NPHP4: variants seen among roughly 807,000 people sequenced by gnomAD.
NPHP4 encodes nephrocystin 4.
A neutral mutation model predicts 155.8 loss-of-function variants in NPHP4; 151 were observed. The observed-to-expected ratio is 0.97, with a 90% CI of 0.85 to 1.11. The LOEUF (loss-of-function observed/expected upper bound fraction) is 1.11, where lower values mean the gene tolerates loss of function less well. Ranked by LOEUF, NPHP4 falls within the 50% of genes least tolerant of loss-of-function variation. The pLI, the probability that NPHP4 is intolerant of heterozygous loss-of-function variation, is 0.00. For missense variants in NPHP4, 1,956 were observed against 1,925.7 expected (o/e 1.02, Z -0.29); for synonymous variants, 845 against 816.8 (o/e 1.03, Z -0.59).
intron 23 of NPHP4, among the ~76,000 whole-genome samples, chr1:5,870,315 T>A (rs1177451615): frequency 6.6e-6 from 1 of 152,088 alleles, no homozygotes; most frequent in Admixed American, 6.5e-5. Flanking sequence ...AGCAACAAAA[T>A]AAATAATGAT....
At chr1:5,953,311 G>A (rs113924109) in intron 6 of NPHP4, among the ~76,000 whole-genome samples, 3,177 of 152,160 alleles carry the variant, frequency 0.021, 93 homozygotes, top group African/African-American at 0.07. Flanking sequence ...TCACCATATT[G>A]GCCGGGCTGG....
At chr1:5,954,073 A>G (rs570046658) in intron 6 of NPHP4, among the ~76,000 whole-genome samples, 6 of 152,372 alleles carry the variant, frequency 3.9e-5, no homozygotes, top group African/African-American at 1.2e-4. Flanking sequence ...GCCTTTGAGT[A>G]TGTCAAAAGC....
In NPHP4 at chr1:5,877,103, G is replaced by A. The variant is rs201074950; in HGVS notation, c.2807C>T (p.Thr936Met). The change falls in exon 20 of 30, where the codon ACG (threonine) becomes ATG (methionine). Residue 936 changes from threonine to methionine, a missense_variant. Physicochemically the swap from Thr to Met is moderately conservative, Grantham distance 81 (BLOSUM62 -1). Coordinates refer to ENST00000378156, the MANE Select transcript of NPHP4 (RefSeq NM_015102.5). ...EAGGDLGRRGTSVLAQQSVRT... is the reference protein window; with the variant it reads ...EAGGDLGRRGMSVLAQQSVRT... ...TGAACAAACCCTTACCAACACGCTC[G>A]TCCCGCGCCGGCCCAAGTCTCCCCC... 7.6e-5 allele frequency: 120 copies of A among 1,570,722 alleles called. 1 individual carries two copies. In the Admixed American group the frequency reaches 1.7e-3, roughly 22 times the overall value.
At chr1:5,973,669 G>T (rs1461081119) in intron 3 of NPHP4, among the ~76,000 whole-genome samples, 1 of 152,216 alleles carries the variant, frequency 6.6e-6, no homozygotes, top group Non-Finnish European at 1.5e-5. Flanking sequence ...ATTGTCCCCA[G>T]ATGACTGACA....
intron 10 of NPHP4, among the ~76,000 whole-genome samples, chr1:5,930,814 G>C (rs550231804): frequency 1.3e-5 from 2 of 152,354 alleles, no homozygotes; most frequent in South Asian, 2.1e-4. Context: ...CAGTCCTTCT[G>C]TATCATTGCT....
chr1:5,880,065 C>A lies in NPHP4; in HGVS notation c.2611+49G>T, dbSNP rs562024301. The A allele has an allele frequency of 6.2e-6, 10 of 1,608,118 alleles. No individual in the cohort carries two copies. In the South Asian group the frequency reaches 1.1e-4, roughly 18 times the overall value. On this transcript the variant is annotated intron_variant, in intron 19 of 29. Coordinates refer to ENST00000378156, the MANE Select transcript of NPHP4 (RefSeq NM_015102.5). The stretch of plus-strand genomic sequence containing the variant: ...CACACACGCAGTCTTCCACCTCTCA[C>A]CCACCACTCACGACCCACCCACACA...
At chr1:5,936,387 G>C (rs1646540096) in intron 9 of NPHP4, among the ~76,000 whole-genome samples, 1 of 152,306 alleles carries the variant, frequency 6.6e-6, no homozygotes, top group Middle Eastern at 3.4e-3. Flanking sequence ...CTGCAGAGAA[G>C]GCCAAGCACA....
intron 27 of NPHP4, 99 bp from the exon 28 acceptor site, chr1:5,864,616 G>T: frequency 8.5e-7 from 1 of 1,177,326 alleles, no homozygotes; most frequent in Non-Finnish European, 1.2e-6. Context: ...GGGAGCCCAA[G>T]GTCATGGGTG....
At chr1:5,880,838 C>A (rs993508565) in intron 18 of NPHP4, 1 of 154,216 alleles carries the variant, frequency 6.5e-6, no homozygotes, top group African/African-American at 2.4e-5. Flanking sequence ...TGCTTGCCCA[C>A]GGCACACTCT....
chr1:5,880,308 CCA>C, intron 18 of NPHP4, 69 bp from the exon 19 acceptor site: 1 of 1,544,566 alleles, frequency 6.5e-7, no homozygotes, highest in Non-Finnish European at 8.9e-7. Flanking sequence ...GATCAACCCA[CCA>C]CATAAGCGGC....
intron 10 of NPHP4, among the ~76,000 whole-genome samples, 190 bp downstream of exon 10, chr1:5,932,957 C>G (rs1646352410): frequency 6.6e-6 from 1 of 152,124 alleles, no homozygotes; most frequent in East Asian, 1.9e-4. Context: ...GCAATAAAAC[C>G]CATGATAAAA....
chr1:5,878,233 A>G (rs1642825791), intron 19 of NPHP4, among the ~76,000 whole-genome samples: 2 of 152,210 alleles, frequency 1.3e-5, no homozygotes, highest in African/African-American at 2.4e-5. Context: ...AGAAGCCTCC[A>G]CACAGTGGAC....
intron 23 of NPHP4, among the ~76,000 whole-genome samples, chr1:5,871,538 T>C (rs551583786): frequency 6.6e-6 from 1 of 152,314 alleles, no homozygotes; most frequent in East Asian, 1.9e-4. Context: ...TCCTTGTTTG[T>C]AGAAAGATCA....
rs200471881 is a variant in NPHP4, at chr1:5,905,057, C to T, written c.1955+235G>A. Among the ~76,000 whole-genome samples, 3 of 152,280 alleles carry T rather than the reference C, an allele frequency of 2.0e-5. No individual in the cohort carries two copies. The East Asian group carries it at 5.8e-4, about 29-fold the overall frequency. On this transcript the variant is annotated intron_variant, in intron 15 of 29. Coordinates refer to ENST00000378156, the MANE Select transcript of NPHP4 (RefSeq NM_015102.5). This position sits in a 1 kb window ranked among gnomAD's most constrained non-coding sequence, Gnocchi z 4.0. ...GCTACACTAAGATCTAAGACCTGGA[C>T]AACCCACCGTCCACATTTTAATGAA...
intron 11 of NPHP4, among the ~76,000 whole-genome samples, chr1:5,915,966 C>G (rs1158263805): frequency 6.6e-6 from 1 of 152,152 alleles, no homozygotes; most frequent in Non-Finnish European, 1.5e-5. Flanking sequence ...CAGCTAGCAG[C>G]ACAGCAGGCA....
chr1:5,927,647 A>C lies in NPHP4; in HGVS notation c.1441+2T>G. 1.2e-6 allele frequency: 2 copies of C among 1,602,438 alleles called. No individual in the cohort carries two copies. Among genetic ancestry groups the C allele is most frequent in the Non-Finnish European group, 1.7e-6 (2 of 1,170,730 alleles). ...GCCAGTCAGCTCTCTGGAAACACTT[A>C]CTCGAAGGGGACGTGGGTGGTTTCC... On this transcript the variant is annotated splice_donor_variant, in intron 11 of 29. Transcript: ENST00000378156. LOFTEE classifies it high-confidence loss of function.
intron 9 of NPHP4, among the ~76,000 whole-genome samples, chr1:5,933,888 G>A (rs1646402543): frequency 6.6e-6 from 1 of 152,138 alleles, no homozygotes; most frequent in South Asian, 2.1e-4. Flanking sequence ...TTGGGAAATC[G>A]ATCGGGTCAA....
At chr1:5,961,710 A>G (rs988537078) in intron 6 of NPHP4, 84 bp downstream of exon 6, 3 of 1,384,400 alleles carry the variant, frequency 2.2e-6, no homozygotes, top group African/African-American at 1.4e-5. Context: ...CGCTGCCCCC[A>G]GAAGAGCCCA....
At chr1:5,928,589 T>G (rs1234467026) in intron 10 of NPHP4, among the ~76,000 whole-genome samples, 1 of 148,098 alleles carries the variant, frequency 6.8e-6, no homozygotes, top group Non-Finnish European at 1.5e-5. Flanking sequence ...ATATTTAATT[T>G]CATAAGGCAC....
Sources: allele counts gnomAD v4.1 joint callset (sites outside exome capture counted in the v4.1 genomes callset), GRCh38; gene constraint gnomAD v4.1.1; non-coding constraint Gnocchi (gnomAD v3.1); transcripts MANE v1.5; gene names NCBI Gene and HGNC (gene_info 2026-07-23, HGNC 2026-07-21).